Variants in ASB18 observed in about 807,000 individuals in gnomAD.
ASB18 encodes ankyrin repeat and SOCS box protein 18.
ASB18 carries 33 observed loss-of-function variants against 33.4 expected under a neutral mutation model. The ratio of observed to expected loss-of-function variants is 0.99; its 90% CI spans 0.75 to 1.32. The LOEUF (loss-of-function observed/expected upper bound fraction) is 1.32. ASB18 is among the 40% of genes most tolerant of loss of function. The probability of loss-of-function intolerance (pLI) is 0.00; values close to 1 mark genes in which losing one functional copy is unlikely to be tolerated. For synonymous variants in ASB18, 295 were observed against 307.6 expected (o/e 0.96, Z 0.43); for missense variants, 694 against 655.5 (o/e 1.06, Z -0.64).
chr2:236,262,089 C>A lies in ASB18; in HGVS notation c.205+2052G>T. ...TGGAAGGAATGTAACTTTCTTATAA[C>A]AATTTTCATAGTTTCAAGTGTTTGG... On this transcript the variant is annotated intron_variant, in intron 1 of 5. Coordinates refer to ENST00000409749, the MANE Select transcript of ASB18 (RefSeq NM_212556.4). The surrounding 1 kb of genome is among the most constrained non-coding windows in gnomAD (Gnocchi z 5.2). Among the ~76,000 whole-genome samples, 1 of 152,292 alleles carries A rather than the reference C, an allele frequency of 6.6e-6. No homozygotes were observed. Among genetic ancestry groups the A allele is most frequent in the East Asian group, 1.9e-4 (1 of 5,186 alleles).
In ASB18 at chr2:236,213,409, A is replaced by G. The variant is rs2060468097; in HGVS notation, c.1101+953T>C. Among the ~76,000 whole-genome samples, 1 of 152,210 alleles carries G rather than the reference A, an allele frequency of 6.6e-6. No homozygotes were observed. The highest frequency in any genetic ancestry group is 2.4e-5 in the African/African-American group (1 of 41,458). On this transcript the variant is annotated intron_variant, in intron 4 of 5. Transcript: ENST00000409749. The surrounding 1 kb of genome is among the most constrained non-coding windows in gnomAD (Gnocchi z 4.8). The stretch of plus-strand genomic sequence containing the variant: ...TGAGAACACTGTACTTTTGAATATT[A>G]GCTTTTCAGCTATTTGTTCAAAACT...
chr2:236,212,148 A>G (rs1285703542), intron 4 of ASB18, among the ~76,000 whole-genome samples: 1 of 152,206 alleles, frequency 6.6e-6, no homozygotes, highest in East Asian at 1.9e-4. Flanking sequence ...AGCACTTCCC[A>G]TGGCTTTTTG....
Position 236,196,781 on chromosome 2 carries a change from A to G in ASB18, c.1102-396T>C, listed in dbSNP as rs932533290. On this transcript the variant is annotated intron_variant, in intron 4 of 5. Transcript: ENST00000409749. The surrounding 1 kb of genome is among the most constrained non-coding windows in gnomAD (Gnocchi z 5.6). ...GTTTGGCCCGAGGATGGTGTTCCCA[A>G]TTTCTTACCTCAATTTTCAGATGTG... is the stretch of plus-strand genomic sequence containing the variant. Among the ~76,000 whole-genome samples the G allele has an allele frequency of 1.3e-5, 2 of 152,150 alleles. No homozygotes were observed. The highest frequency in any genetic ancestry group is 6.5e-5 in the Admixed American group (1 of 15,274).
In ASB18 at chr2:236,214,150, C is replaced by T. The variant is rs2106268546; in HGVS notation, c.1101+212G>A. 7.1e-6 allele frequency: 4 copies of T among 564,724 alleles called. No individual in the cohort carries two copies. In the South Asian group the frequency reaches 8.7e-5, roughly 12 times the overall value. The allele number at this position is 564,724 out of a possible 1,614,324, so 35.0% of individuals were successfully genotyped here. The stretch of plus-strand genomic sequence containing the variant: ...GCCCCTGTTCCTCAAAATGGGGTCC[C>T]AGGAACAGCAGTCTAGGCCACACCC... On this transcript the variant is annotated intron_variant, in intron 4 of 5. Coordinates refer to ENST00000409749, the MANE Select transcript of ASB18 (RefSeq NM_212556.4). This position sits in a 1 kb window ranked among gnomAD's most constrained non-coding sequence, Gnocchi z 6.5.
chr2:236,214,899 C>A lies in ASB18; in HGVS notation c.597-33G>T. 2 of 1,206,874 alleles carry A rather than the reference C, an allele frequency of 1.7e-6. No homozygotes were observed. Among genetic ancestry groups the A allele is most frequent in the African/African-American group, 3.2e-5 (2 of 63,282 alleles). The allele number at this position is 1,206,874 out of a possible 1,614,324, so 74.8% of individuals were successfully genotyped here. On this transcript the variant is annotated intron_variant, in intron 3 of 5. Coordinates refer to ENST00000409749, the MANE Select transcript of ASB18 (RefSeq NM_212556.4). This position sits in a 1 kb window ranked among gnomAD's most constrained non-coding sequence, Gnocchi z 6.5. ...AAGCCAGGGCCTGTCACTCGGGCGC[C>A]ACGCAGGACGCCCGCACCCTTCCAC...
chr2:236,233,507 G>A (rs537612801), intron 3 of ASB18, among the ~76,000 whole-genome samples: 167 of 152,120 alleles, frequency 1.1e-3, no homozygotes, highest in Non-Finnish European at 1.2e-3. Flanking sequence ...ATTTGTAGAC[G>A]ACATGATTGC....
intron 1 of ASB18, among the ~76,000 whole-genome samples, chr2:236,246,444 A>T (rs914460275): frequency 6.7e-6 from 1 of 149,840 alleles, no homozygotes; most frequent in Non-Finnish European, 1.5e-5. Context: ...TTTAAAGTTC[A>T]TCTCCCTTAT....
In ASB18 at chr2:236,200,406, A is replaced by C. The variant is rs1296784197; in HGVS notation, c.1102-4021T>G. On this transcript the variant is annotated intron_variant, in intron 4 of 5. Coordinates refer to ENST00000409749, the MANE Select transcript of ASB18 (RefSeq NM_212556.4). The surrounding 1 kb of genome is among the most constrained non-coding windows in gnomAD (Gnocchi z 4.2). Reference sequence around the variant, plus strand: ...TCATTCCAGAAGTGTTTATTGATACAGGAACTATTTAACCAGATGTGGGTA... The same window carrying C: ...TCATTCCAGAAGTGTTTATTGATACCGGAACTATTTAACCAGATGTGGGTA... Among the ~76,000 whole-genome samples the C allele has an allele frequency of 6.6e-6, 1 of 152,236 alleles. No homozygotes were observed. The highest frequency in any genetic ancestry group is 1.5e-5 in the Non-Finnish European group (1 of 68,038).
rs113672805 is a variant in ASB18 at position 236,252,267 on chromosome 2, TCACACACACACA to T, written c.206-10877_206-10866del. On this transcript the variant is annotated intron_variant, in intron 1 of 5. Transcript: ENST00000409749. The surrounding 1 kb of genome is among the most constrained non-coding windows in gnomAD (Gnocchi z 7.9). ...GCCTTGGCAACAGAGTGAGACTCCG[TCACACACACACA>T]CACACACACACACACACACACACAC... 0.03 allele frequency among the ~76,000 whole-genome samples: 4,120 copies of T among 138,642 alleles called. 193 individuals are homozygous for T. The highest frequency in any genetic ancestry group is 0.096 in the African/African-American group (3,734 of 38,854). 91.0% of individuals were successfully genotyped at this position (138,642 alleles called of 152,430 possible). A position where few individuals can be genotyped will look rare whatever the true frequency, so the allele number is the denominator to read the frequency against.
rs532847512 is a variant in ASB18 at position 236,242,426 on chromosome 2, G to A, written c.206-1024C>T. On this transcript the variant is annotated intron_variant, in intron 1 of 5. Coordinates refer to ENST00000409749, the MANE Select transcript of ASB18 (RefSeq NM_212556.4). ...GGTCTGTCTGCTGTCACTAGTTGGC[G>A]ATCTCCACTCCCAGCTCTTGTATGG... is the stretch of plus-strand genomic sequence containing the variant. 7.2e-5 allele frequency among the ~76,000 whole-genome samples: 11 copies of A among 152,280 alleles called. No homozygotes were observed. The South Asian group carries it at 8.3e-4, about 11-fold the overall frequency.
chr2:236,256,909 G>T lies in ASB18; in HGVS notation c.205+7232C>A, dbSNP rs2060695033. Among the ~76,000 whole-genome samples, 1 of 152,080 alleles carries T rather than the reference G, an allele frequency of 6.6e-6. No homozygotes were observed. The highest frequency in any genetic ancestry group is 2.4e-5 in the African/African-American group (1 of 41,410). On this transcript the variant is annotated intron_variant, in intron 1 of 5. Coordinates refer to ENST00000409749, the MANE Select transcript of ASB18 (RefSeq NM_212556.4). This position sits in a 1 kb window ranked among gnomAD's most constrained non-coding sequence, Gnocchi z 4.7. ...GAAAAAAAAAGAGCCTAGGGTGTGT[G>T]TCTCGTAGAAAGCAAAGAAACATTT... is the stretch of plus-strand genomic sequence containing the variant.
chr2:236,214,232 A>C lies in ASB18; in HGVS notation c.1101+130T>G. 1.0e-6 allele frequency: 1 copy of C among 983,700 alleles called. No homozygotes were observed. The highest frequency in any genetic ancestry group is 1.4e-6 in the Non-Finnish European group (1 of 697,606). The allele number at this position is 983,700 out of a possible 1,614,324, so 60.9% of individuals were successfully genotyped here. On this transcript the variant is annotated intron_variant, in intron 4 of 5. Coordinates refer to ENST00000409749, the MANE Select transcript of ASB18 (RefSeq NM_212556.4). This position sits in a 1 kb window ranked among gnomAD's most constrained non-coding sequence, Gnocchi z 6.5. ...CCCAGACCGGCAGAGCAGATTCTGCATTTTCACAAGTCCCCAGGGGTGCCT... is the reference window on the plus strand; with the variant it reads ...CCCAGACCGGCAGAGCAGATTCTGCCTTTTCACAAGTCCCCAGGGGTGCCT...
intron 1 of ASB18, among the ~76,000 whole-genome samples, chr2:236,261,106 AC>A (rs1487612677): frequency 2.0e-5 from 3 of 152,022 alleles, no homozygotes; most frequent in Non-Finnish European, 4.4e-5. Flanking sequence ...CATCACCACA[AC>A]CTTCCCATTG....
rs1304385618 is a variant in ASB18 at position 236,239,667 on chromosome 2, C to G, written c.328+1613G>C. On this transcript the variant is annotated intron_variant, in intron 2 of 5. Transcript: ENST00000409749. This position sits in a 1 kb window ranked among gnomAD's most constrained non-coding sequence, Gnocchi z 5.6. ...ACTGTGGGCTGGATGGGCCAGCATT[C>G]TATCACGGAGGGGCACCGAGGTGGT... Among the ~76,000 whole-genome samples, 1 of 152,234 alleles carries G rather than the reference C, an allele frequency of 6.6e-6. No individual in the cohort carries two copies. Among genetic ancestry groups the G allele is most frequent in the African/African-American group, 2.4e-5 (1 of 41,468 alleles).
rs879658101 is a variant in ASB18 at position 236,225,558 on chromosome 2, C to T, written c.597-10692G>A. ...GCTATAGACAAGAAAAAGAATAGGG[C>T]GTCAACACATTCTTTTCTTATTTTA... On this transcript the variant is annotated intron_variant, in intron 3 of 5. Transcript: ENST00000409749. This position sits in a 1 kb window ranked among gnomAD's most constrained non-coding sequence, Gnocchi z 5.1. 1.3e-5 allele frequency among the ~76,000 whole-genome samples: 2 copies of T among 152,094 alleles called. No individual in the cohort carries two copies. Among genetic ancestry groups the T allele is most frequent in the Non-Finnish European group, 2.9e-5 (2 of 68,022 alleles).
At chr2:236,201,640 G>T (rs531934002) in intron 4 of ASB18, among the ~76,000 whole-genome samples, 1 of 150,484 alleles carries the variant, frequency 6.6e-6, no homozygotes, top group East Asian at 1.9e-4. Context: ...ATTTCATTTG[G>T]TTCAAAATAT....
At position 236,204,330 on chromosome 2, in the gene ASB18, C is replaced by T. The variant is rs2060422548; in HGVS notation, c.1102-7945G>A. 6.6e-6 allele frequency among the ~76,000 whole-genome samples: 1 copy of T among 152,298 alleles called. No homozygotes were observed. The highest frequency in any genetic ancestry group is 1.9e-4 in the East Asian group (1 of 5,178). ...GTCTTCCACCTCAATGCAGCCTTCA[C>T]TTGGCTTTGAGGAAGGTGTGCTCTC... On this transcript the variant is annotated intron_variant, in intron 4 of 5. Coordinates refer to ENST00000409749, the MANE Select transcript of ASB18 (RefSeq NM_212556.4). This position sits in a 1 kb window ranked among gnomAD's most constrained non-coding sequence, Gnocchi z 5.1.
rs1433153227 is a variant in ASB18, at chr2:236,195,101, C to T, written c.1216-44G>A. 2.6e-6 allele frequency: 4 copies of T among 1,557,128 alleles called. No individual in the cohort carries two copies. The South Asian group carries it at 4.8e-5, about 19-fold the overall frequency. ...GGATTAGAAATCTGGGCACGTGGAA[C>T]CAACATACGTTTTCTTCTTAGCCAG... On this transcript the variant is annotated intron_variant, in intron 5 of 5. Coordinates refer to ENST00000409749, the MANE Select transcript of ASB18 (RefSeq NM_212556.4). The surrounding 1 kb of genome is among the most constrained non-coding windows in gnomAD (Gnocchi z 5.5).
rs1412387408 is a variant in ASB18 at position 236,255,902 on chromosome 2, T to G, written c.205+8239A>C. Among the ~76,000 whole-genome samples the G allele has an allele frequency of 6.6e-6, 1 of 152,210 alleles. No individual in the cohort carries two copies. The highest frequency in any genetic ancestry group is 2.4e-5 in the African/African-American group (1 of 41,448). On this transcript the variant is annotated intron_variant, in intron 1 of 5. Transcript: ENST00000409749. The surrounding 1 kb of genome is among the most constrained non-coding windows in gnomAD (Gnocchi z 4.4). ...CTCGCCTCCCTTTATCTGGGCTTCC[T>G]TCCTTTGGATCACAGCCTCCCAGGA... is the stretch of plus-strand genomic sequence containing the variant.
Sources: gnomAD v4.1 joint callset for allele counts (sites outside exome capture counted in the v4.1 genomes callset) on GRCh38, gnomAD v4.1.1 for gene constraint, Gnocchi (gnomAD v3.1) non-coding constraint, MANE v1.5 for transcripts, NCBI Gene and HGNC (gene_info 2026-07-23, HGNC 2026-07-21) for gene names.